The following ZNF280D variants were observed in gnomAD, a reference collection of about 807,000 sequenced individuals.
The protein encoded by ZNF280D is zinc finger protein 280D.
A neutral mutation model predicts 94.7 loss-of-function variants in ZNF280D; 39 were observed. The observed-to-expected ratio is 0.41, with a 90% CI of 0.32 to 0.54. The LOEUF (loss-of-function observed/expected upper bound fraction) is 0.54. Ranked by LOEUF, ZNF280D falls within the 20% of genes least tolerant of loss-of-function variation. The pLI is 0.22. For missense variants in ZNF280D, 1,090 were observed against 1,149.3 expected (o/e 0.95, Z 0.75); for synonymous variants, 398 against 377.6 (o/e 1.05, Z -0.63).
intron 1 of ZNF280D, among the ~76,000 whole-genome samples, chr15:56,719,982 G>C (rs1180290724): frequency 2.0e-5 from 3 of 151,832 alleles, no homozygotes; most frequent in Non-Finnish European, 4.4e-5. Flanking sequence ...CATGTTGATG[G>C]CTGCTGACTA....
intron 1 of ZNF280D, among the ~76,000 whole-genome samples, chr15:56,714,278 G>A (rs570284002): frequency 5.2e-4 from 79 of 152,126 alleles, no homozygotes; most frequent in African/African-American, 1.6e-3. Context: ...GACAAAATAC[G>A]GGATGATTAT....
At chr15:56,731,599 A>T (rs2058894354) in intron 1 of ZNF280D, among the ~76,000 whole-genome samples, 1 of 152,022 alleles carries the variant, frequency 6.6e-6, no homozygotes, top group East Asian at 1.9e-4. Flanking sequence ...ATTTTAAGGA[A>T]TATTCTTCAC....
intron 17 of ZNF280D, among the ~76,000 whole-genome samples, chr15:56,658,022 C>G: frequency 6.6e-6 from 1 of 151,932 alleles, no homozygotes; most frequent in Non-Finnish European, 1.5e-5. Context: ...CAATTTTTAA[C>G]AATGAAATAT....
intron 17 of ZNF280D, among the ~76,000 whole-genome samples, chr15:56,656,590 A>T (rs1290581419): frequency 1.3e-5 from 2 of 152,230 alleles, no homozygotes; most frequent in South Asian, 2.1e-4. Flanking sequence ...TAGTACTAAC[A>T]TTTTAAAAAT....
intron 19 of ZNF280D, among the ~76,000 whole-genome samples, chr15:56,645,649 C>T (rs1230999989): frequency 2.0e-5 from 3 of 152,098 alleles, no homozygotes; most frequent in Non-Finnish European, 2.9e-5. Flanking sequence ...CAGGTTCAAG[C>T]GATTCTCCTG....
chr15:56,672,126 C>G (rs1437583606), intron 13 of ZNF280D, among the ~76,000 whole-genome samples: 1 of 152,090 alleles, frequency 6.6e-6, no homozygotes, highest in East Asian at 1.9e-4. Flanking sequence ...CATCAGCAAA[C>G]AAAGATAGTT....
chr15:56,693,398 T>A (rs562721124), intron 6 of ZNF280D, among the ~76,000 whole-genome samples, 183 bp from the exon 7 acceptor site: 1 of 151,946 alleles, frequency 6.6e-6, no homozygotes, highest in East Asian at 1.9e-4. Flanking sequence ...ATTAATAAGT[T>A]AAAAACACAA....
chr15:56,656,181 T>C (rs1425639128), intron 17 of ZNF280D, among the ~76,000 whole-genome samples: 6 of 152,212 alleles, frequency 3.9e-5, no homozygotes, highest in African/African-American at 1.2e-4. Flanking sequence ...GTTCCAACAC[T>C]GCTTCATCAC....
In ZNF280D at chr15:56,694,260, T is replaced by C. The variant is rs1030146881; in HGVS notation, c.382-1045A>G. 2.0e-5 allele frequency among the ~76,000 whole-genome samples: 3 copies of C among 148,362 alleles called. No individual in the cohort carries two copies. The South Asian group carries it at 6.4e-4, about 32-fold the overall frequency. The stretch of plus-strand genomic sequence containing the variant: ...GTCAATATAATTTAGGGACATACAC[T>C]CCGATATTATTATACATTAAATATA... On this transcript the variant is annotated intron_variant, in intron 6 of 21. Transcript: ENST00000267807.
At chr15:56,653,847 A>G (rs2053359298) in intron 19 of ZNF280D, 1 of 1,236,194 alleles carries the variant, frequency 8.1e-7, no homozygotes, top group Non-Finnish European at 1.0e-6. Flanking sequence ...AGAAAAAAAA[A>G]TATGTTAAGA....
intron 16 of ZNF280D, among the ~76,000 whole-genome samples, chr15:56,663,076 G>A (rs2054057023): frequency 6.6e-6 from 1 of 150,686 alleles, no homozygotes; most frequent in African/African-American, 2.4e-5. Flanking sequence ...TTAAGCCCAG[G>A]AGCCCATGAC....
At chr15:56,725,388 G>C (rs2058580805) in intron 1 of ZNF280D, among the ~76,000 whole-genome samples, 1 of 152,028 alleles carries the variant, frequency 6.6e-6, no homozygotes, top group East Asian at 1.9e-4. Context: ...ACTTAAAGAT[G>C]ATAATAATGA....
At chr15:56,684,845 T>C (rs2055888222) in intron 9 of ZNF280D, among the ~76,000 whole-genome samples, 1 of 152,164 alleles carries the variant, frequency 6.6e-6, no homozygotes, top group African/African-American at 2.4e-5. Flanking sequence ...TAAACTGTGC[T>C]AAATCCAAAT....
chr15:56,670,067 CATATAT>C (rs201081844), intron 13 of ZNF280D, among the ~76,000 whole-genome samples: 1 of 42,818 alleles, frequency 2.3e-5, no homozygotes, highest in Non-Finnish European at 4.2e-5. Flanking sequence ...TGTTGTTTTA[CATATAT>C]ATATATATAT....
chr15:56,645,223 G>C (rs1238686777), intron 19 of ZNF280D: 2 of 152,100 alleles, frequency 1.3e-5, no homozygotes, highest in African/African-American at 4.8e-5. Context: ...AATTTGCTAA[G>C]CTCAAAGTTC....
intron 1 of ZNF280D, among the ~76,000 whole-genome samples, chr15:56,733,198 T>C (rs1446532896): frequency 1.3e-5 from 2 of 152,184 alleles, no homozygotes; most frequent in African/African-American, 2.4e-5. Flanking sequence ...GGCGAAGGCC[T>C]GCGCGGCCCA....
chr15:56,656,882 C>G (rs2053583907), intron 17 of ZNF280D, among the ~76,000 whole-genome samples: 2 of 152,024 alleles, frequency 1.3e-5, no homozygotes, highest in South Asian at 2.1e-4. Flanking sequence ...GAAGAGGATA[C>G]AGTTTTAAAT....
chr15:56,689,073 T>C lies in ZNF280D; in HGVS notation c.748A>G (p.Asn250Asp), dbSNP rs771641525. 1.9e-6 allele frequency: 3 copies of C among 1,608,728 alleles called. No homozygotes were observed. Among genetic ancestry groups the C allele is most frequent in the Admixed American group, 3.4e-5 (2 of 58,966 alleles). Residue 250 changes from asparagine (N) to aspartate (D), a missense_variant, in exon 9 of 22, where the codon AAT becomes GAT. This residue lies in a region of ZNF280D where 386 missense variants were observed against 372.0 expected (regional missense o/e 1.04). Transcript: ENST00000267807. ...TGATTTTTCAAAGGATCCAAAAGAT[T>C]GAAATGAATGTTGCACTTTGGACAA... Reference protein sequence around the residue: ...RACPKCNIHFNLLDPLKNHMK... With the variant: ...RACPKCNIHFDLLDPLKNHMK...
rs548957466 is a variant in ZNF280D, at chr15:56,631,420, C to T, written c.*78G>A. On this transcript the variant is annotated 3_prime_UTR_variant, in exon 22 of 22. Coordinates refer to ENST00000267807, the MANE Select transcript of ZNF280D (RefSeq NM_017661.4). Reference sequence around the variant, plus strand: ...CATATTTCCATTTCTGAACCTACAACAGCACCACTGAGCTCACCTGATAGC... The same window carrying T: ...CATATTTCCATTTCTGAACCTACAATAGCACCACTGAGCTCACCTGATAGC... 3.0e-5 allele frequency: 44 copies of T among 1,476,380 alleles called. No homozygotes were observed. The Admixed American group carries it at 7.8e-4, about 26-fold the overall frequency. The allele number at this position is 1,476,380 out of a possible 1,614,324, so 91.5% of individuals were successfully genotyped here.
Sources: gnomAD v4.1 joint callset for allele counts (sites outside exome capture counted in the v4.1 genomes callset) on GRCh38, gnomAD v4.1.1 for gene constraint, gnomAD v4.1.1 regional missense constraint, MANE v1.5 for transcripts, NCBI Gene and HGNC (gene_info 2026-07-23, HGNC 2026-07-21) for gene names.